GPATCH2: variants seen among roughly 807,000 people sequenced by gnomAD.
The protein encoded by GPATCH2 is G patch domain-containing protein 2.
Under a neutral mutation model 58.0 loss-of-function variants are expected in GPATCH2, and 51 were observed. The ratio of observed to expected loss-of-function variants is 0.88; its 90% CI spans 0.70 to 1.11. The LOEUF is 1.11. GPATCH2 is among the 50% of genes most tolerant of loss of function. GPATCH2 has a pLI of 0.00. For synonymous variants in GPATCH2, 222 were observed against 218.5 expected (o/e 1.02, Z -0.14); for missense variants, 625 against 652.2 (o/e 0.96, Z 0.45).
At chr1:217,520,735 G>A (rs189817429) in intron 5 of GPATCH2, among the ~76,000 whole-genome samples, 1 of 152,192 alleles carries the variant, frequency 6.6e-6, no homozygotes, top group East Asian at 1.9e-4. Flanking sequence ...CAAAGAATGT[G>A]TAATAATGAT....
chr1:217,588,488 T>C (rs961270219), intron 5 of GPATCH2, among the ~76,000 whole-genome samples: 3 of 152,184 alleles, frequency 2.0e-5, no homozygotes, highest in African/African-American at 7.2e-5. Flanking sequence ...TCTTTTTTAT[T>C]ATTTAAATAA....
At chr1:217,527,415 T>C (rs1663964045) in intron 5 of GPATCH2, among the ~76,000 whole-genome samples, 1 of 152,106 alleles carries the variant, frequency 6.6e-6, no homozygotes, top group Admixed American at 6.5e-5. Flanking sequence ...ACTGACTCAG[T>C]TGGCATGTGC....
At chr1:217,548,526 C>T (rs1359703793) in intron 5 of GPATCH2, among the ~76,000 whole-genome samples, 1 of 152,084 alleles carries the variant, frequency 6.6e-6, no homozygotes, top group East Asian at 1.9e-4. Context: ...ATTTTACAGG[C>T]TTTTTATAAT....
At chr1:217,508,905 T>A (rs1458656060) in intron 6 of GPATCH2, among the ~76,000 whole-genome samples, 1 of 152,222 alleles carries the variant, frequency 6.6e-6, no homozygotes, top group Non-Finnish European at 1.5e-5. Context: ...GATTAGACTT[T>A]AAATATAGTA....
chr1:217,431,244 T>C lies in GPATCH2; in HGVS notation c.1488A>G (p.Pro496=). The change falls in exon 10 of 10, where the codon CCA becomes CCG. Residue 496 remains proline, a synonymous_variant. Transcript: ENST00000366935. ...LGRDGKGISE[P]IQAMQRPKGL... ...CCTTTGGCCTCTGCATGGCTTGAAT[T>C]GGCTCAGAGATCCCCTTGCCATCTC... 6.2e-7 allele frequency: 1 copy of C among 1,610,242 alleles called. No individual in the cohort carries two copies. The highest frequency in any genetic ancestry group is 8.5e-7 in the Non-Finnish European group (1 of 1,176,408).
chr1:217,441,628 A>C (rs143489963), intron 9 of GPATCH2, among the ~76,000 whole-genome samples: 16,272 of 152,252 alleles, frequency 0.11, 1,269 homozygotes, highest in Non-Finnish European at 0.16. Flanking sequence ...ATCTACAAAG[A>C]ACTTAAACAA....
intron 5 of GPATCH2, among the ~76,000 whole-genome samples, chr1:217,567,395 T>G (rs2102707519): frequency 6.6e-6 from 1 of 152,352 alleles, no homozygotes; most frequent in South Asian, 2.1e-4. Flanking sequence ...GTATTGGCCC[T>G]TCTTTTCTAA....
chr1:217,479,387 G>C (rs1311580935), intron 8 of GPATCH2, among the ~76,000 whole-genome samples: 4 of 152,156 alleles, frequency 2.6e-5, no homozygotes, highest in African/African-American at 9.7e-5. Flanking sequence ...GAATGAGGTT[G>C]AGGCATAGTT....
At chr1:217,620,726 T>G (rs1669143952) in intron 1 of GPATCH2, among the ~76,000 whole-genome samples, 1 of 152,214 alleles carries the variant, frequency 6.6e-6, no homozygotes, top group South Asian at 2.1e-4. Context: ...CAAGATAGAA[T>G]AAGCTTATGA....
chr1:217,509,205 G>T (rs1662716465), intron 6 of GPATCH2, among the ~76,000 whole-genome samples: 1 of 152,036 alleles, frequency 6.6e-6, no homozygotes, highest in Non-Finnish European at 1.5e-5. Flanking sequence ...GCTGGGGGTG[G>T]TGGTGCACGC....
rs182820834 is a variant in GPATCH2 at position 217,520,656 on chromosome 1, A to G, written c.1099-5767T>C. On this transcript the variant is annotated intron_variant, in intron 5 of 9. Coordinates refer to ENST00000366935, the MANE Select transcript of GPATCH2 (RefSeq NM_018040.5). ...GTCAAGGTTAAAGTAAAAATTCTAT[A>G]TTGTTTGTTATGCTTTTACAATGCA... 1.9e-3 allele frequency among the ~76,000 whole-genome samples: 294 copies of G among 152,270 alleles called. 1 individual carries two copies. The highest frequency in any genetic ancestry group is 6.8e-3 in the African/African-American group (281 of 41,546).
At chr1:217,456,232 T>C (rs1440462201) in intron 8 of GPATCH2, among the ~76,000 whole-genome samples, 2 of 152,128 alleles carry the variant, frequency 1.3e-5, no homozygotes, top group Admixed American at 6.5e-5. Context: ...CCATGCCCAC[T>C]TGGGCTTTGG....
At chr1:217,491,267 C>T (rs1024160480) in intron 8 of GPATCH2, among the ~76,000 whole-genome samples, 3 of 152,124 alleles carry the variant, frequency 2.0e-5, no homozygotes, top group Admixed American at 6.5e-5. Flanking sequence ...TATAAAAGCA[C>T]TCTTTAAAAG....
chr1:217,524,422 G>A (rs1355241548), intron 5 of GPATCH2, among the ~76,000 whole-genome samples: 3 of 148,438 alleles, frequency 2.0e-5, no homozygotes, highest in South Asian at 2.2e-4. Flanking sequence ...GACGATGGGC[G>A]GCCAGGCAGA....
Position 217,619,920 on chromosome 1 carries a change from T to C in GPATCH2, c.636A>G (p.Arg212=). 1 of 1,613,974 alleles carries C rather than the reference T, an allele frequency of 6.2e-7. No homozygotes were observed. The highest frequency in any genetic ancestry group is 8.5e-7 in the Non-Finnish European group (1 of 1,179,910). ...QEFTKNKVKK[R]KLKIIRQGPK... ...GTCCTTGTCTGATTATTTTCAACTT[T>C]CTTTTTTTGACTTTGTTCTTGGTAA... is the stretch of plus-strand genomic sequence containing the variant. Residue 212 remains arginine (R), a synonymous_variant, in exon 2 of 10, where the codon AGA becomes AGG. Coordinates refer to ENST00000366935, the MANE Select transcript of GPATCH2 (RefSeq NM_018040.5).
chr1:217,458,470 A>G lies in GPATCH2; in HGVS notation c.1278-9133T>C, dbSNP rs534983881. Among the ~76,000 whole-genome samples, 5 of 152,322 alleles carry G rather than the reference A, an allele frequency of 3.3e-5. No individual in the cohort carries two copies. The East Asian group carries it at 9.7e-4, about 29-fold the overall frequency. Reference sequence around the variant, plus strand: ...GTAATTATTACAACTTCTTTACCATATGTAAATGAAGACATTCTCACATCT... The same window carrying G: ...GTAATTATTACAACTTCTTTACCATGTGTAAATGAAGACATTCTCACATCT... On this transcript the variant is annotated intron_variant, in intron 8 of 9. Transcript: ENST00000366935.
chr1:217,560,186 CT>C (rs1665853908), intron 5 of GPATCH2, among the ~76,000 whole-genome samples: 1 of 152,280 alleles, frequency 6.6e-6, no homozygotes, highest in African/African-American at 2.4e-5. Context: ...TTCCTGGTTA[CT>C]CGTGTTTGTT....
chr1:217,616,447 C>G (rs1023952782), intron 2 of GPATCH2, among the ~76,000 whole-genome samples: 7 of 152,152 alleles, frequency 4.6e-5, no homozygotes, highest in Admixed American at 1.3e-4. Flanking sequence ...TCCCTCTCCA[C>G]CTGTCCAAGC....
chr1:217,560,241 C>G (rs570736542), intron 5 of GPATCH2, among the ~76,000 whole-genome samples: 2 of 152,312 alleles, frequency 1.3e-5, no homozygotes, highest in East Asian at 3.9e-4. Flanking sequence ...AGAGCCTTGC[C>G]TACATCCACC....
Sources: gnomAD v4.1 joint callset for allele counts (sites outside exome capture counted in the v4.1 genomes callset) on GRCh38, gnomAD v4.1.1 for gene constraint, MANE v1.5 for transcripts, NCBI Gene and HGNC (gene_info 2026-07-23, HGNC 2026-07-21) for gene names.